ZFAND6: variants seen among roughly 807,000 people sequenced by gnomAD.
ZFAND6 encodes the protein zinc finger AN1-type containing 6.
A neutral mutation model predicts 24.5 loss-of-function variants in ZFAND6; 12 were observed. The ratio of observed to expected loss-of-function variants is 0.49; its 90% CI spans 0.31 to 0.79. The LOEUF is 0.79. ZFAND6 is among the 30% of genes least tolerant of loss of function. ZFAND6 has a pLI of 0.04. For synonymous variants in ZFAND6, 92 were observed against 81.5 expected, an observed-to-expected ratio of 1.13 and a Z score of -0.69; for missense variants, 207 against 245.9, an observed-to-expected ratio of 0.84 and a Z score of 1.06.
intron 1 of ZFAND6, among the ~76,000 whole-genome samples, chr15:80,091,452 C>T (rs1288568192): frequency 2.0e-5 from 3 of 150,814 alleles, no homozygotes; most frequent in Admixed American, 1.3e-4. Flanking sequence ...CAGGACCTTT[C>T]GTTCATTTGC....
At chr15:80,118,900 G>A (rs2040019869) in intron 2 of ZFAND6, among the ~76,000 whole-genome samples, 1 of 152,070 alleles carries the variant, frequency 6.6e-6, no homozygotes, top group Non-Finnish European at 1.5e-5. Context: ...AAATCTAGTT[G>A]GTGACAGTAA....
At chr15:80,119,294 TA>T (rs1214592784) in intron 2 of ZFAND6, among the ~76,000 whole-genome samples, 1 of 152,102 alleles carries the variant, frequency 6.6e-6, no homozygotes, top group African/African-American at 2.4e-5. Flanking sequence ...TATAAATACT[TA>T]AAAAAATAAA....
chr15:80,133,186 TTGTTTGTTTTTTG>T (rs1373304912), intron 6 of ZFAND6, among the ~76,000 whole-genome samples: 1 of 116,218 alleles, frequency 8.6e-6, no homozygotes, highest in Non-Finnish European at 2.0e-5. Flanking sequence ...TTTTTTTTGT[TTGTTTGTTTTTTG>T]TTTTTTTTTT....
chr15:80,109,760 G>A (rs977306288), intron 2 of ZFAND6, among the ~76,000 whole-genome samples: 2 of 152,160 alleles, frequency 1.3e-5, no homozygotes, highest in Non-Finnish European at 2.9e-5. Flanking sequence ...AAAGTATAGC[G>A]GGGCAAGAAG....
At chr15:80,083,682 G>C in intron 1 of ZFAND6, among the ~76,000 whole-genome samples, 1 of 152,266 alleles carries the variant, frequency 6.6e-6, no homozygotes, top group East Asian at 1.9e-4. Context: ...GCCAATGTCA[G>C]GAGTTTGAGA....
chr15:80,079,005 A>G (rs969341758), intron 1 of ZFAND6, among the ~76,000 whole-genome samples: 2 of 151,930 alleles, frequency 1.3e-5, no homozygotes, highest in African/African-American at 4.8e-5. Flanking sequence ...GTCATTTAGC[A>G]TTAGGTATAT....
At chr15:80,060,333 C>G (rs1300715921) in intron 1 of ZFAND6, 1 of 152,106 alleles carries the variant, frequency 6.6e-6, no homozygotes, top group East Asian at 1.9e-4. Context: ...TGACTGGCAC[C>G]GGGAAGGGAA....
At chr15:80,126,907 G>A (rs914385083) in intron 5 of ZFAND6, among the ~76,000 whole-genome samples, 45 of 152,112 alleles carry the variant, frequency 3.0e-4, no homozygotes, top group African/African-American at 9.4e-4. Flanking sequence ...GAGCTCAAGA[G>A]TTTGAAACCA....
intron 1 of ZFAND6, among the ~76,000 whole-genome samples, chr15:80,062,344 A>G (rs923725355): frequency 2.0e-5 from 3 of 152,208 alleles, no homozygotes; most frequent in Non-Finnish European, 4.4e-5. Flanking sequence ...CCTTTGGAAC[A>G]TTTTTGGAAA....
intron 1 of ZFAND6, among the ~76,000 whole-genome samples, chr15:80,065,501 T>C (rs1194496583): frequency 1.3e-5 from 2 of 151,688 alleles, no homozygotes; most frequent in African/African-American, 4.8e-5. Flanking sequence ...ATTTTTTAGT[T>C]TATTCTTTTG....
chr15:80,108,726 T>G (rs1306317590), intron 2 of ZFAND6, among the ~76,000 whole-genome samples: 2 of 96,868 alleles, frequency 2.1e-5, no homozygotes, highest in Non-Finnish European at 5.1e-5. Flanking sequence ...CAGGCATCCT[T>G]GTTTTTTTGT....
chr15:80,093,060 T>C (rs2038484289), intron 1 of ZFAND6, among the ~76,000 whole-genome samples: 1 of 151,922 alleles, frequency 6.6e-6, no homozygotes, highest in Non-Finnish European at 1.5e-5. Flanking sequence ...GTTCAAGCAA[T>C]TCTCCTGCCT....
chr15:80,066,620 C>CT (rs907567446), intron 1 of ZFAND6, among the ~76,000 whole-genome samples: 3 of 151,990 alleles, frequency 2.0e-5, no homozygotes, highest in African/African-American at 4.8e-5. Context: ...GCCGAAATGA[C>CT]TAAGTTTTTT....
chr15:80,134,140 A>G (rs1314431625), intron 6 of ZFAND6, among the ~76,000 whole-genome samples: 1 of 152,074 alleles, frequency 6.6e-6, no homozygotes, highest in Non-Finnish European at 1.5e-5. Flanking sequence ...GGCGTACTCC[A>G]CCATGCCCAA....
At chr15:80,104,553 A>G (rs2039216899) in intron 2 of ZFAND6, among the ~76,000 whole-genome samples, 2 of 152,142 alleles carry the variant, frequency 1.3e-5, no homozygotes, top group South Asian at 4.2e-4. Context: ...CCATCCATCC[A>G]TCCATCCATC....
chr15:80,074,251 CTT>C (rs1005757437), intron 1 of ZFAND6, among the ~76,000 whole-genome samples: 7 of 151,836 alleles, frequency 4.6e-5, no homozygotes, highest in African/African-American at 1.7e-4. Context: ...ATTGGAAACA[CTT>C]TTACCCACTT....
intron 1 of ZFAND6, among the ~76,000 whole-genome samples, chr15:80,078,006 C>CT (rs1237535817): frequency 1.3e-5 from 2 of 152,044 alleles, no homozygotes; most frequent in Non-Finnish European, 2.9e-5. Flanking sequence ...GCTTTCAAAA[C>CT]TTTTAATGTG....
upstream of ZFAND6, chr15:80,059,640 T>TC (rs1198697979): frequency 2.0e-5 from 3 of 151,934 alleles, no homozygotes; most frequent in Non-Finnish European, 4.4e-5. Flanking sequence ...TCCTCCGCGG[T>TC]CGCGTCATAG....
At chr15:80,065,774 AC>A (rs1422630336) in intron 1 of ZFAND6, among the ~76,000 whole-genome samples, 2 of 151,482 alleles carry the variant, frequency 1.3e-5, no homozygotes, top group Non-Finnish European at 2.9e-5. Context: ...CGAACCCCTG[AC>A]CTCAGGTGAT....
Sources: gnomAD v4.1 joint callset for allele counts (sites outside exome capture counted in the v4.1 genomes callset) on GRCh38, gnomAD v4.1.1 for gene constraint, MANE v1.5 for transcripts, NCBI Gene and HGNC (gene_info 2026-07-23, HGNC 2026-07-21) for gene names.